ATP10A: variants seen among roughly 807,000 people sequenced by gnomAD.
The protein encoded by ATP10A is ATPase phospholipid transporting 10A (putative).
Under a neutral mutation model 147.8 loss-of-function variants are expected in ATP10A, and 111 were observed. That is an observed-to-expected ratio of 0.75 (90% CI 0.64 to 0.88). ATP10A has a LOEUF of 0.88. Ranked by LOEUF, ATP10A falls within the 40% of genes least tolerant of loss-of-function variation. ATP10A has a pLI of 0.00. For missense variants in ATP10A, 1,927 were observed against 1,959.0 expected, an observed-to-expected ratio of 0.98 and a Z score of 0.31; for synonymous variants, 875 against 841.6, an observed-to-expected ratio of 1.04 and a Z score of -0.69.
intron 1 of ATP10A, among the ~76,000 whole-genome samples, chr15:25,808,383 A>G (rs1891289046): frequency 2.2e-5 from 3 of 138,598 alleles, no homozygotes; most frequent in Admixed American, 7.7e-5. Context: ...GTGTGAGAAC[A>G]GTTTTGTTTT....
intron 3 of ATP10A, among the ~76,000 whole-genome samples, chr15:25,728,408 G>A (rs1448242219): frequency 3.9e-5 from 6 of 152,354 alleles, no homozygotes; most frequent in Admixed American, 2.6e-4. Flanking sequence ...AGCCAACGCC[G>A]TGTCTACTGC....
chr15:25,706,830 C>A (rs1481015693), intron 12 of ATP10A, among the ~76,000 whole-genome samples: 3 of 152,190 alleles, frequency 2.0e-5, no homozygotes, highest in Non-Finnish European at 4.4e-5. Flanking sequence ...CAAGCCTGGT[C>A]AATGAGGCTG....
intron 7 of ATP10A, 87 bp downstream of exon 7, chr15:25,721,570 G>C: frequency 7.8e-7 from 1 of 1,282,446 alleles, no homozygotes; most frequent in Non-Finnish European, 1.1e-6. Flanking sequence ...GTGTGTGTGT[G>C]TGTGTGTGTG....
chr15:25,862,211 A>G (rs1041391648), intron 1 of ATP10A: 31 of 461,292 alleles, frequency 6.7e-5, no homozygotes, highest in Non-Finnish European at 1.1e-4. Context: ...AGCTGTTAGC[A>G]GACTGAGCTT....
At chr15:25,773,448 A>C (rs1889438873) in intron 2 of ATP10A, among the ~76,000 whole-genome samples, 1 of 152,164 alleles carries the variant, frequency 6.6e-6, no homozygotes, top group Non-Finnish European at 1.5e-5. Flanking sequence ...AATGACACAC[A>C]GCACAGGGCC....
At chr15:25,761,280 A>G (rs1888742484) in intron 2 of ATP10A, among the ~76,000 whole-genome samples, 1 of 152,236 alleles carries the variant, frequency 6.6e-6, no homozygotes, top group Non-Finnish European at 1.5e-5. Context: ...CTCAGTACCA[A>G]TTTACTGTAT....
At chr15:25,854,497 G>A (rs185342172) in intron 1 of ATP10A, among the ~76,000 whole-genome samples, 1 of 152,320 alleles carries the variant, frequency 6.6e-6, no homozygotes, top group East Asian at 1.9e-4. Flanking sequence ...GAAATAGAAA[G>A]GATTACAAGT....
At chr15:25,685,660 GTC>G (rs1333927606) in intron 16 of ATP10A, among the ~76,000 whole-genome samples, 3 of 151,968 alleles carry the variant, frequency 2.0e-5, no homozygotes, top group African/African-American at 7.3e-5. Context: ...GCGACACCCT[GTC>G]TCTACAAAAT....
At chr15:25,780,247 C>T (rs1049576052) in intron 2 of ATP10A, among the ~76,000 whole-genome samples, 3 of 152,254 alleles carry the variant, frequency 2.0e-5, no homozygotes, top group Non-Finnish European at 2.9e-5. Flanking sequence ...GAACCAGAGG[C>T]CGGCTTCCCC....
At chr15:25,693,882 C>T (rs1900167760) in intron 14 of ATP10A, among the ~76,000 whole-genome samples, 4 of 152,210 alleles carry the variant, frequency 2.6e-5, no homozygotes, top group South Asian at 2.1e-4. Context: ...TGTGAACAGG[C>T]AGCAATCTCC....
At chr15:25,717,741 T>TG (rs11455528) in intron 8 of ATP10A, among the ~76,000 whole-genome samples, 151,459 of 152,358 alleles carry the variant, frequency 0.99, 75,289 homozygotes, top group Middle Eastern at 1. Context: ...TGCTCACTTC[T>TG]CGCCTCTCCG....
rs767273863 is a variant in ATP10A at position 25,679,619 on chromosome 15, C to T, written c.4222G>A (p.Gly1408Arg). The stretch of plus-strand genomic sequence containing the variant: ...CTCACCTTGGACTCCTCAGGACACC[C>T]TCCTGGACTCCTCAGGACAGCCTCC... Reference protein sequence around the residue: ...PGEAVLRSPGGCPEESKVRAA... With the variant: ...PGEAVLRSPGRCPEESKVRAA... Residue 1408 changes from glycine to arginine, a missense_variant, in exon 21 of 21, where the codon GGG becomes AGG. Coordinates refer to ENST00000555815, the MANE Select transcript of ATP10A (RefSeq NM_024490.4). 1.2e-6 allele frequency: 2 copies of T among 1,613,054 alleles called. No homozygotes were observed. The highest frequency in any genetic ancestry group is 2.2e-5 in the South Asian group (2 of 91,050).
chr15:25,780,296 C>A (rs967809965), intron 2 of ATP10A, among the ~76,000 whole-genome samples: 5 of 152,276 alleles, frequency 3.3e-5, no homozygotes, highest in Non-Finnish European at 7.3e-5. Flanking sequence ...GCTGTCTAGG[C>A]CAGAGCAGGG....
Position 25,680,143 on chromosome 15 carries a change from G to A in ATP10A, c.3844C>T (p.Pro1282Ser), listed in dbSNP as rs1033065124. Residue 1282 changes from proline to serine, a missense_variant, in exon 20 of 21, where the codon CCT becomes TCT. Pro to Ser is a moderately conservative substitution (Grantham distance 74). Transcript: ENST00000555815. ...CACCTGGGCAGCAGTGCAGCGACAG[G>A]CGTCATCAGGCAAGTCAAGTAAAAC... Reference protein sequence around the residue: ...PVFYLTCLMTPVAALLPRLFF... With the variant: ...PVFYLTCLMTSVAALLPRLFF... The A allele has an allele frequency of 1.9e-6, 3 of 1,613,952 alleles. No individual in the cohort carries two copies. Among genetic ancestry groups the A allele is most frequent in the South Asian group, 1.1e-5 (1 of 91,068 alleles).
intron 1 of ATP10A, among the ~76,000 whole-genome samples, chr15:25,805,391 T>C (rs1393210182): frequency 6.6e-6 from 1 of 152,218 alleles, no homozygotes; most frequent in Non-Finnish European, 1.5e-5. Flanking sequence ...TTTGCCACAA[T>C]GAATTTTTTC....
intron 1 of ATP10A, among the ~76,000 whole-genome samples, chr15:25,817,024 A>G (rs1291634496): frequency 1.3e-5 from 2 of 152,032 alleles, no homozygotes; most frequent in Admixed American, 6.6e-5. Flanking sequence ...TCTATATAAT[A>G]TACTATCTAT....
intron 1 of ATP10A, among the ~76,000 whole-genome samples, chr15:25,826,734 G>T (rs1205680060): frequency 6.6e-6 from 1 of 152,192 alleles, no homozygotes; most frequent in Non-Finnish European, 1.5e-5. Flanking sequence ...GGCAGAGGCT[G>T]CAGTGGGCCT....
chr15:25,793,160 T>A (rs900361664), intron 1 of ATP10A, among the ~76,000 whole-genome samples: 12 of 152,168 alleles, frequency 7.9e-5, no homozygotes, highest in African/African-American at 2.2e-4. Context: ...CATGAGCCAC[T>A]GCACCTGGCC....
intron 1 of ATP10A, among the ~76,000 whole-genome samples, chr15:25,858,728 G>A (rs1200834876): frequency 7.2e-5 from 11 of 152,116 alleles, no homozygotes; most frequent in Admixed American, 4.6e-4. Context: ...ACACTGAGAT[G>A]CTGCCCTCAG....
Sources: allele counts gnomAD v4.1 joint callset (sites outside exome capture counted in the v4.1 genomes callset), GRCh38; gene constraint gnomAD v4.1.1; transcripts MANE v1.5; gene names NCBI Gene and HGNC (gene_info 2026-07-23, HGNC 2026-07-21).